Variants in LRRC8D observed in about 807,000 individuals in gnomAD.
LRRC8D encodes volume-regulated anion channel subunit LRRC8D.
A neutral mutation model predicts 55.8 loss-of-function variants in LRRC8D; 20 were observed. The observed-to-expected ratio is 0.36, with a 90% CI of 0.25 to 0.52. The LOEUF is 0.52. Ranked by LOEUF, LRRC8D falls within the 20% of genes least tolerant of loss-of-function variation. The pLI is 0.93. For synonymous variants in LRRC8D, 352 were observed against 377.0 expected (o/e 0.93, Z 0.77); for missense variants, 651 against 1,030.8 (o/e 0.63, Z 5.05).
chr1:89,822,901 A>G (rs2100684122), intron 1 of LRRC8D, among the ~76,000 whole-genome samples: 1 of 152,264 alleles, frequency 6.6e-6, no homozygotes, highest in East Asian at 1.9e-4. Flanking sequence ...TCCCTGTTAA[A>G]ATCCAAGTGC....
rs890544771 is a variant in LRRC8D at position 89,911,943 on chromosome 1, C to T, written c.-2-21124C>T. On this transcript the variant is annotated intron_variant, in intron 2 of 2. Transcript: ENST00000337338. This position sits in a 1 kb window ranked among gnomAD's most constrained non-coding sequence, Gnocchi z 4.0. Reference sequence around the variant, plus strand: ...CTGAATGCTTTTCTTCTCCCAGTTCCCTAAATGCTAGTGATCCCCTGGATT... The same window carrying T: ...CTGAATGCTTTTCTTCTCCCAGTTCTCTAAATGCTAGTGATCCCCTGGATT... 3.3e-5 allele frequency among the ~76,000 whole-genome samples: 5 copies of T among 152,096 alleles called. No individual in the cohort carries two copies. Among genetic ancestry groups the T allele is most frequent in the Admixed American group, 6.5e-5 (1 of 15,268 alleles).
intron 2 of LRRC8D, among the ~76,000 whole-genome samples, chr1:89,916,815 A>G (rs776545989): frequency 6.6e-6 from 1 of 152,070 alleles, no homozygotes; most frequent in Non-Finnish European, 1.5e-5. Context: ...ATTTTTCTGG[A>G]CATTTAAATC....
chr1:89,827,382 A>G (rs1301842109), intron 1 of LRRC8D, among the ~76,000 whole-genome samples: 2 of 152,040 alleles, frequency 1.3e-5, no homozygotes, highest in Non-Finnish European at 2.9e-5. Context: ...AAAAAAATAC[A>G]AAATATAGTC....
At chr1:89,838,120 G>C (rs1241251664) in intron 1 of LRRC8D, among the ~76,000 whole-genome samples, 1 of 151,930 alleles carries the variant, frequency 6.6e-6, no homozygotes, top group Non-Finnish European at 1.5e-5. Context: ...AGCACTTTGG[G>C]AGACCGAGGT....
intron 2 of LRRC8D, among the ~76,000 whole-genome samples, chr1:89,891,466 C>G (rs543255996): frequency 6.6e-5 from 10 of 152,160 alleles, no homozygotes; most frequent in Non-Finnish European, 1.2e-4. Context: ...TAATAAATAT[C>G]TTGTGGAGAG....
At chr1:89,843,469 A>G (rs1232468736) in intron 1 of LRRC8D, 169 bp from the exon 2 acceptor site, 3 of 428,906 alleles carry the variant, frequency 7.0e-6, no homozygotes, top group Admixed American at 7.9e-5. Context: ...CCACGCGGGC[A>G]GCCGGTGCGG....
chr1:89,903,411 C>T (rs894304155), intron 2 of LRRC8D, among the ~76,000 whole-genome samples: 8 of 152,026 alleles, frequency 5.3e-5, no homozygotes, highest in African/African-American at 1.9e-4. Context: ...CTCTTCATCA[C>T]TTTTTTTGTT....
intron 2 of LRRC8D, among the ~76,000 whole-genome samples, chr1:89,887,895 AG>A (rs1367461037): frequency 2.6e-5 from 4 of 152,204 alleles, no homozygotes; most frequent in Non-Finnish European, 5.9e-5. Flanking sequence ...AGGGAGCCAC[AG>A]GGTGGGAGGT....
At chr1:89,836,865 T>C (rs1328556566) in intron 1 of LRRC8D, among the ~76,000 whole-genome samples, 1 of 152,222 alleles carries the variant, frequency 6.6e-6, no homozygotes, top group Non-Finnish European at 1.5e-5. Context: ...CCCAAATTAA[T>C]GTTATGTGCA....
intron 2 of LRRC8D, among the ~76,000 whole-genome samples, chr1:89,904,214 C>T (rs1051468668): frequency 5.3e-5 from 8 of 152,208 alleles, no homozygotes; most frequent in Non-Finnish European, 1.0e-4. Flanking sequence ...AACATTTCCC[C>T]CTTAGTTTGG....
In LRRC8D at chr1:89,863,428, G is replaced by A. The variant is rs142856492; in HGVS notation, c.-3+19646G>A. ...GTTGAAGCAGAGACAGGAAGAGGCG[G>A]CCTGGGAACCTCAGTTTCTTTTTGC... On this transcript the variant is annotated intron_variant, in intron 2 of 2. Transcript: ENST00000337338. Among the ~76,000 whole-genome samples, 423 of 152,334 alleles carry A rather than the reference G, an allele frequency of 2.8e-3. 1 individual carries two copies. Among genetic ancestry groups the A allele is most frequent in the African/African-American group, 9.5e-3 (395 of 41,570 alleles).
At chr1:89,856,151 T>C (rs1274223603) in intron 2 of LRRC8D, among the ~76,000 whole-genome samples, 2 of 152,134 alleles carry the variant, frequency 1.3e-5, no homozygotes, top group Non-Finnish European at 2.9e-5. Context: ...TTCTTGGGCA[T>C]TAAATTTAGG....
chr1:89,903,701 T>C (rs1269614103), intron 2 of LRRC8D, among the ~76,000 whole-genome samples: 1 of 152,222 alleles, frequency 6.6e-6, no homozygotes, highest in African/African-American at 2.4e-5. Context: ...TTAAGCATTA[T>C]TACATCTGCT....
intron 2 of LRRC8D, among the ~76,000 whole-genome samples, chr1:89,894,449 G>T (rs904083952): frequency 2.0e-5 from 3 of 152,172 alleles, no homozygotes; most frequent in African/African-American, 7.2e-5. Flanking sequence ...TGTGATTCCT[G>T]TTTATCTCTG....
chr1:89,876,345 A>G lies in LRRC8D; in HGVS notation c.-3+32563A>G, dbSNP rs555483471. On this transcript the variant is annotated intron_variant, in intron 2 of 2. Coordinates refer to ENST00000337338, the MANE Select transcript of LRRC8D (RefSeq NM_001134479.2). ...AACCACCGTGGGGCTCATTTACCATACAGATTCCTGGGCTCCACCTCAGAC... is the reference window on the plus strand; with the variant it reads ...AACCACCGTGGGGCTCATTTACCATGCAGATTCCTGGGCTCCACCTCAGAC... Among the ~76,000 whole-genome samples the G allele has an allele frequency of 9.2e-5, 14 of 152,302 alleles. No individual in the cohort carries two copies. The South Asian group carries it at 2.7e-3, about 29-fold the overall frequency.
At chr1:89,915,292 A>G (rs1292944575) in intron 2 of LRRC8D, among the ~76,000 whole-genome samples, 14 of 152,174 alleles carry the variant, frequency 9.2e-5, no homozygotes, top group Non-Finnish European at 2.9e-5. Flanking sequence ...TGCAGTCTCT[A>G]TCTAAAGATA....
chr1:89,883,480 A>G (rs1662335161), intron 2 of LRRC8D, among the ~76,000 whole-genome samples: 1 of 152,114 alleles, frequency 6.6e-6, no homozygotes, highest in African/African-American at 2.4e-5. Flanking sequence ...ACCAGATGGT[A>G]AGGGAGGAGG....
chr1:89,836,047 A>T (rs1007549382), intron 1 of LRRC8D, among the ~76,000 whole-genome samples: 1 of 152,198 alleles, frequency 6.6e-6, no homozygotes, highest in South Asian at 2.1e-4. Context: ...CTTAAAACCC[A>T]TATCTGGTCA....
intron 1 of LRRC8D, among the ~76,000 whole-genome samples, chr1:89,827,227 G>A (rs1660785137): frequency 6.6e-6 from 1 of 151,840 alleles, no homozygotes; most frequent in Non-Finnish European, 1.5e-5. Context: ...GGTGGTGCCT[G>A]TAATCCCAGC....
Sources: gnomAD v4.1 joint callset for allele counts (sites outside exome capture counted in the v4.1 genomes callset) on GRCh38, gnomAD v4.1.1 for gene constraint, Gnocchi (gnomAD v3.1) non-coding constraint, MANE v1.5 for transcripts, NCBI Gene and HGNC (gene_info 2026-07-23, HGNC 2026-07-21) for gene names.